STXBP5L: variants seen among roughly 807,000 people sequenced by gnomAD.
STXBP5L encodes syntaxin-binding protein 5-like.
Under a neutral mutation model 144.5 loss-of-function variants are expected in STXBP5L, and 65 were observed. The observed-to-expected ratio is 0.45, with a 90% CI of 0.37 to 0.55. The LOEUF is 0.55. Ranked by LOEUF, STXBP5L falls within the 20% of genes least tolerant of loss-of-function variation. The probability of loss-of-function intolerance (pLI) is 0.00; values close to 1 mark genes in which losing one functional copy is unlikely to be tolerated. For missense variants in STXBP5L, 1,298 were observed against 1,405.5 expected, an observed-to-expected ratio of 0.92 and a Z score of 1.22; for synonymous variants, 505 against 469.6, an observed-to-expected ratio of 1.08 and a Z score of -0.97.
intron 20 of STXBP5L, among the ~76,000 whole-genome samples, chr3:121,331,840 A>G (rs968571019): frequency 2.6e-5 from 4 of 152,188 alleles, no homozygotes; most frequent in African/African-American, 9.7e-5. Flanking sequence ...GTGCACACCA[A>G]TGGGGAACAA....
rs563642531 is a variant in STXBP5L at position 121,300,823 on chromosome 3, C to T, written c.2111-17652C>T. ...CAAAGATTATATTAAATAGAGTACACATTCCAAAAAAAGAAAAAGAGCTTC... is the reference window on the plus strand; with the variant it reads ...CAAAGATTATATTAAATAGAGTACATATTCCAAAAAAAGAAAAAGAGCTTC... On this transcript the variant is annotated intron_variant, in intron 19 of 26. Transcript: ENST00000471454. 1.9e-3 allele frequency among the ~76,000 whole-genome samples: 290 copies of T among 152,042 alleles called. 2 individuals are homozygous for T. Among genetic ancestry groups the T allele is most frequent in the East Asian group, 4.2e-3 (22 of 5,182 alleles).
chr3:121,284,786 C>T (rs1045798934), intron 19 of STXBP5L, among the ~76,000 whole-genome samples: 1 of 152,078 alleles, frequency 6.6e-6, no homozygotes, highest in Non-Finnish European at 1.5e-5. Flanking sequence ...GAAGTAAAAT[C>T]AAGTCTGTTG....
At chr3:121,205,508 A>G (rs1577205552) in intron 9 of STXBP5L, among the ~76,000 whole-genome samples, 1 of 152,350 alleles carries the variant, frequency 6.6e-6, no homozygotes, top group East Asian at 1.9e-4. Flanking sequence ...TTAAGTTTCC[A>G]ACACATGAAT....
intron 22 of STXBP5L, among the ~76,000 whole-genome samples, chr3:121,382,859 T>C (rs193249957): frequency 1.3e-5 from 2 of 152,310 alleles, no homozygotes; most frequent in Admixed American, 1.3e-4. Context: ...TAGATTTAAC[T>C]TTTGACACTA....
chr3:121,357,127 T>C (rs1560016321), intron 20 of STXBP5L: 1 of 164,782 alleles, frequency 6.1e-6, no homozygotes, highest in African/African-American at 2.4e-5. Flanking sequence ...CAAAACCTCA[T>C]AAACTCCAGA....
intron 2 of STXBP5L, among the ~76,000 whole-genome samples, chr3:120,950,048 T>G (rs1029226895): frequency 6.6e-6 from 1 of 152,050 alleles, no homozygotes; most frequent in Non-Finnish European, 1.5e-5. Context: ...ACCATAAACA[T>G]TTATAATTTT....
chr3:121,318,263 A>ACATAGTGAGAC (rs1438448980), intron 19 of STXBP5L, among the ~76,000 whole-genome samples: 5 of 151,966 alleles, frequency 3.3e-5, no homozygotes, highest in Non-Finnish European at 7.4e-5. Context: ...TTCAAGACCA[A>ACATAGTGAGAC]CCTGGGCAAC....
At chr3:121,051,511 A>G (rs1947992959) in intron 5 of STXBP5L, among the ~76,000 whole-genome samples, 1 of 152,252 alleles carries the variant, frequency 6.6e-6, no homozygotes. Context: ...AAAAGAAGAC[A>G]GAAATAAAGA....
At chr3:120,993,740 T>C (rs545493106) in intron 3 of STXBP5L, among the ~76,000 whole-genome samples, 32 of 152,282 alleles carry the variant, frequency 2.1e-4, no homozygotes, top group African/African-American at 7.2e-4. Context: ...GTGTGATGCT[T>C]CCAGCTTTGT....
At chr3:121,169,808 A>T (rs2046639928) in intron 9 of STXBP5L, among the ~76,000 whole-genome samples, 1 of 152,176 alleles carries the variant, frequency 6.6e-6, no homozygotes, top group Non-Finnish European at 1.5e-5. Context: ...ATTAACAAGG[A>T]TATTCAGGAC....
intron 20 of STXBP5L, among the ~76,000 whole-genome samples, chr3:121,359,487 T>C (rs1345633613): frequency 2.0e-5 from 3 of 152,154 alleles, no homozygotes; most frequent in African/African-American, 7.2e-5. Flanking sequence ...ATGTTTGCTT[T>C]GGGGGTGCTT....
chr3:121,419,026 C>A, intron 26 of STXBP5L, 30 bp from the exon 27 acceptor site: 1 of 1,602,728 alleles, frequency 6.2e-7, no homozygotes, highest in South Asian at 1.1e-5. Context: ...AGTATTTTAG[C>A]GTCTTATGGT....
intron 5 of STXBP5L, among the ~76,000 whole-genome samples, chr3:121,047,565 G>C (rs372216331): frequency 6.6e-6 from 1 of 152,172 alleles, no homozygotes; most frequent in South Asian, 2.1e-4. Flanking sequence ...ATTTAGGATA[G>C]TTAGGCATTC....
chr3:120,984,906 C>T (rs527893516), intron 3 of STXBP5L, among the ~76,000 whole-genome samples: 1 of 151,888 alleles, frequency 6.6e-6, no homozygotes, highest in Non-Finnish European at 1.5e-5. Context: ...GCTTTTTCTA[C>T]ATCAATTGAG....
At chr3:121,084,803 A>G (rs1006049605) in intron 5 of STXBP5L, among the ~76,000 whole-genome samples, 4 of 152,202 alleles carry the variant, frequency 2.6e-5, no homozygotes, top group African/African-American at 9.6e-5. Flanking sequence ...ACTCTTTAAA[A>G]TGGTTGAACT....
At chr3:120,973,883 A>G (rs1255648948) in intron 3 of STXBP5L, among the ~76,000 whole-genome samples, 4 of 152,152 alleles carry the variant, frequency 2.6e-5, no homozygotes, top group South Asian at 2.1e-4. Flanking sequence ...CATCCTTTTT[A>G]TGGCTGCATA....
chr3:121,169,167 C>G (rs1202791514), intron 9 of STXBP5L, among the ~76,000 whole-genome samples: 1 of 152,188 alleles, frequency 6.6e-6, no homozygotes, highest in Non-Finnish European at 1.5e-5. Flanking sequence ...CCAGGCCTGC[C>G]TTACAAGTGC....
At chr3:121,018,599 G>A (rs1945312604) in intron 3 of STXBP5L, among the ~76,000 whole-genome samples, 1 of 150,778 alleles carries the variant, frequency 6.6e-6, no homozygotes, top group Non-Finnish European at 1.5e-5. Flanking sequence ...TGGATCATAG[G>A]CTTAAATGTA....
intron 10 of STXBP5L, among the ~76,000 whole-genome samples, chr3:121,213,586 T>G (rs1298861311): frequency 6.6e-6 from 1 of 152,174 alleles, no homozygotes; most frequent in Non-Finnish European, 1.5e-5. Context: ...TGGATAAGTT[T>G]TTTGATGTGC....
Sources: allele counts gnomAD v4.1 joint callset (sites outside exome capture counted in the v4.1 genomes callset), GRCh38; gene constraint gnomAD v4.1.1; transcripts MANE v1.5; gene names NCBI Gene and HGNC (gene_info 2026-07-23, HGNC 2026-07-21).